The following VAV2 variants were observed in gnomAD, a reference collection of about 807,000 sequenced individuals.
The protein encoded by VAV2 is guanine nucleotide exchange factor VAV2.
VAV2 carries 67 observed loss-of-function variants against 132.5 expected under a neutral mutation model. The ratio of observed to expected loss-of-function variants is 0.51; its 90% CI spans 0.42 to 0.62. The LOEUF is 0.62. Among genes scored for constraint, VAV2 ranks in the 20% least tolerant of loss-of-function variants. VAV2 has a pLI of 0.00. For synonymous variants in VAV2, 492 were observed against 443.5 expected (o/e 1.11, Z -1.37); for missense variants, 938 against 1,153.6 (o/e 0.81, Z 2.71).
chr9:133,778,649 C>T, intron 22 of VAV2, 113 bp downstream of exon 22: 1 of 1,452,704 alleles, frequency 6.9e-7, no homozygotes, highest in Non-Finnish European at 9.1e-7. Flanking sequence ...CCCTGGTGGT[C>T]TCTCACCTCT....
intron 2 of VAV2, among the ~76,000 whole-genome samples, chr9:133,893,388 G>A (rs1171324753): frequency 2.6e-5 from 4 of 152,200 alleles, no homozygotes; most frequent in African/African-American, 4.8e-5. Context: ...GCTGGTCCTC[G>A]GTCCCACAGT....
chr9:133,870,903 G>C, intron 2 of VAV2, among the ~76,000 whole-genome samples: 1 of 135,412 alleles, frequency 7.4e-6, no homozygotes, highest in Non-Finnish European at 1.6e-5. Flanking sequence ...TGAGTGCGTG[G>C]GTGGGTGGGT....
chr9:133,963,666 G>A (rs369463516), intron 1 of VAV2, among the ~76,000 whole-genome samples: 5 of 152,290 alleles, frequency 3.3e-5, no homozygotes, highest in East Asian at 3.9e-4. Context: ...AAAACGCCAC[G>A]TTGTATCACA....
At chr9:133,986,842 T>A (rs1451264005) in intron 1 of VAV2, among the ~76,000 whole-genome samples, 1 of 151,966 alleles carries the variant, frequency 6.6e-6, no homozygotes, top group Non-Finnish European at 1.5e-5. Flanking sequence ...TTCGGGCACT[T>A]CCATGTCGCT....
chr9:133,964,094 T>G (rs1842069129), intron 1 of VAV2, among the ~76,000 whole-genome samples: 1 of 145,032 alleles, frequency 6.9e-6, no homozygotes, highest in Non-Finnish European at 1.5e-5. Flanking sequence ...GTATGTTGGC[T>G]CATGCCTGTA....
intron 1 of VAV2, among the ~76,000 whole-genome samples, chr9:133,956,774 GC>G (rs1841795418): frequency 6.6e-6 from 1 of 152,224 alleles, no homozygotes; most frequent in East Asian, 1.9e-4. Flanking sequence ...GAATGCTGCA[GC>G]TGCAGCCTCG....
chr9:133,814,541 GC>G (rs1209867918), intron 4 of VAV2, among the ~76,000 whole-genome samples: 4 of 152,284 alleles, frequency 2.6e-5, no homozygotes, highest in African/African-American at 9.6e-5. Flanking sequence ...ACAGACGTCA[GC>G]TTTTCTCCAA....
At chr9:133,836,070 C>T (rs1014958609) in intron 3 of VAV2, among the ~76,000 whole-genome samples, 4 of 152,194 alleles carry the variant, frequency 2.6e-5, no homozygotes, top group African/African-American at 7.2e-5. Flanking sequence ...ATCAGGGCTC[C>T]GTTGCTGAGA....
At chr9:133,932,305 C>T (rs1346369674) in intron 2 of VAV2, among the ~76,000 whole-genome samples, 1 of 152,212 alleles carries the variant, frequency 6.6e-6, no homozygotes, top group Non-Finnish European at 1.5e-5. Context: ...GCAGGGCCAA[C>T]GGCTCCCATC....
chr9:133,900,274 C>G (rs2132009023), intron 2 of VAV2, among the ~76,000 whole-genome samples: 1 of 152,138 alleles, frequency 6.6e-6, no homozygotes, highest in Middle Eastern at 3.4e-3. Context: ...ATGAAAAAAG[C>G]CACTCCTGAG....
intron 8 of VAV2, among the ~76,000 whole-genome samples, chr9:133,806,726 G>A (rs1216504844): frequency 6.6e-6 from 1 of 152,252 alleles, no homozygotes; most frequent in African/African-American, 2.4e-5. Flanking sequence ...GCAGGACACA[G>A]CCACCGCACG....
At chr9:133,984,538 A>T (rs1842792445) in intron 1 of VAV2, among the ~76,000 whole-genome samples, 2 of 152,156 alleles carry the variant, frequency 1.3e-5, no homozygotes, top group Admixed American at 6.5e-5. Flanking sequence ...CCTTGAGCCC[A>T]GGAGTTTAAG....
intron 2 of VAV2, among the ~76,000 whole-genome samples, chr9:133,864,218 G>A (rs755208002): frequency 2.0e-5 from 3 of 151,496 alleles, no homozygotes; most frequent in Non-Finnish European, 4.4e-5. Context: ...GCAGACAGCC[G>A]CGGGGCAGGA....
At chr9:133,801,065 C>G (rs1294191476) in intron 9 of VAV2, among the ~76,000 whole-genome samples, 2 of 152,244 alleles carry the variant, frequency 1.3e-5, no homozygotes, top group African/African-American at 4.8e-5. Context: ...TCTCACTCAT[C>G]CCCATACCCC....
At chr9:133,943,283 G>C (rs144127241) in intron 1 of VAV2, among the ~76,000 whole-genome samples, 2 of 152,186 alleles carry the variant, frequency 1.3e-5, no homozygotes, top group Admixed American at 6.5e-5. Flanking sequence ...GGCAGGGACC[G>C]GACCCAAGGC....
chr9:133,874,654 A>C (rs112638618), intron 2 of VAV2, among the ~76,000 whole-genome samples: 2,723 of 151,866 alleles, frequency 0.018, 48 homozygotes, highest in African/African-American at 0.028. Context: ...CCTCCCCCAC[A>C]CCACCCCACT....
At chr9:133,960,725 G>A (rs748901406) in intron 1 of VAV2, among the ~76,000 whole-genome samples, 1 of 152,236 alleles carries the variant, frequency 6.6e-6, no homozygotes, top group South Asian at 2.1e-4. Flanking sequence ...GGCATGTGGC[G>A]CTTTGTCTGC....
At position 133,823,989 on chromosome 9, in the gene VAV2, G is replaced by A. The variant is rs148370041; in HGVS notation, c.449+10283C>T. ...CGGCCTCTCCCTCAGTGGTGGGGGT[G>A]GGGGAGCAGGGTTTCGAGGTCACTG... On this transcript the variant is annotated intron_variant, in intron 4 of 29. Transcript: ENST00000371850. This position sits in a 1 kb window ranked among gnomAD's most constrained non-coding sequence, Gnocchi z 5.5. 1.1e-4 allele frequency among the ~76,000 whole-genome samples: 16 copies of A among 152,206 alleles called. No homozygotes were observed. In the South Asian group the frequency reaches 2.9e-3, roughly 28 times the overall value.
chr9:133,844,013 CAGAGG>C (rs1426078526), intron 3 of VAV2, among the ~76,000 whole-genome samples: 7 of 152,146 alleles, frequency 4.6e-5, no homozygotes. Context: ...ACCAGAGCCC[CAGAGG>C]AGAGACCCCA....
Sources: gnomAD v4.1 joint callset for allele counts (sites outside exome capture counted in the v4.1 genomes callset) on GRCh38, gnomAD v4.1.1 for gene constraint, Gnocchi (gnomAD v3.1) non-coding constraint, MANE v1.5 for transcripts, NCBI Gene and HGNC (gene_info 2026-07-23, HGNC 2026-07-21) for gene names.